KLHL6: variants seen among roughly 807,000 people sequenced by gnomAD.
KLHL6 encodes the protein kelch like family member 6, also known as kelch-like protein 6.
KLHL6 carries 41 observed loss-of-function variants against 58.6 expected under a neutral mutation model. That is an observed-to-expected ratio of 0.70 (90% confidence interval 0.55 to 0.91). The LOEUF is 0.91. Among genes scored for constraint, KLHL6 ranks in the 40% least tolerant of loss-of-function variants. The pLI, the probability that KLHL6 is intolerant of heterozygous loss-of-function variation, is 0.00. For synonymous variants in KLHL6, 338 were observed against 322.7 expected (o/e 1.05, Z -0.51); for missense variants, 714 against 805.6 (o/e 0.89, Z 1.38).
Position 183,524,239 on chromosome 3 carries a change from C to T in KLHL6, c.459+3606G>A, listed in dbSNP as rs962278027. Reference sequence around the variant, plus strand: ...GGCTTGCTTACCTACGACTCAGAAGCCTGAAGGTCCAGTTAAGGAAAGGGA... The same window carrying T: ...GGCTTGCTTACCTACGACTCAGAAGTCTGAAGGTCCAGTTAAGGAAAGGGA... On this transcript the variant is annotated intron_variant, in intron 2 of 6. Coordinates refer to ENST00000341319, the MANE Select transcript of KLHL6 (RefSeq NM_130446.4). Among the ~76,000 whole-genome samples, 5 of 152,226 alleles carry T rather than the reference C, an allele frequency of 3.3e-5. No homozygotes were observed. In the South Asian group the frequency reaches 1.0e-3, roughly 32 times the overall value.
chr3:183,515,030 C>T (rs1030978293), intron 2 of KLHL6, among the ~76,000 whole-genome samples: 24 of 152,188 alleles, frequency 1.6e-4, no homozygotes, highest in African/African-American at 5.8e-4. Context: ...TCCAGAAAGT[C>T]TGTGAACCCC....
chr3:183,494,037 G>C (rs770871508), intron 5 of KLHL6, 42 bp downstream of exon 5: 5 of 1,550,764 alleles, frequency 3.2e-6, no homozygotes, highest in Non-Finnish European at 4.5e-6. Flanking sequence ...AAGCACTGAA[G>C]TAATAATACA....
intron 2 of KLHL6, among the ~76,000 whole-genome samples, chr3:183,510,531 T>G (rs1051570554): frequency 6.6e-6 from 1 of 152,178 alleles, no homozygotes. Flanking sequence ...CAACCTCTAT[T>G]GCAAAATATT....
Position 183,555,369 on chromosome 3 carries a change from G to C in KLHL6, c.285C>G (p.Asn95Lys), listed in dbSNP as rs532831263. 6.2e-7 allele frequency: 1 copy of C among 1,613,900 alleles called. No individual in the cohort carries two copies. The highest frequency in any genetic ancestry group is 1.3e-5 in the African/African-American group (1 of 75,018). Residue 95 changes from asparagine to lysine, a missense_variant, in exon 1 of 7, where the codon AAC (asparagine) becomes AAG (lysine). Asn to Lys is a moderately conservative substitution (Grantham distance 94). Transcript: ENST00000341319. The stretch of plus-strand genomic sequence containing the variant: ...GTCCTAGGCATGCTGACCTGAAATA[G>C]TTGCTGGCTGCGGCAAGCACCACGC... ...CHRVVLAAAS[N>K]YFRAMFCNDL...
chr3:183,540,693 C>A (rs1712523256), intron 1 of KLHL6, among the ~76,000 whole-genome samples: 1 of 152,142 alleles, frequency 6.6e-6, no homozygotes, highest in Non-Finnish European at 1.5e-5. Flanking sequence ...CACACGCCAC[C>A]ACACCCGGCC....
chr3:183,528,292 A>G (rs1376696025), intron 1 of KLHL6, among the ~76,000 whole-genome samples: 2 of 152,072 alleles, frequency 1.3e-5, no homozygotes, highest in Non-Finnish European at 1.5e-5. Context: ...AGTGCAGGAG[A>G]TTCATCTGAG....
At chr3:183,555,126 T>C (rs1713062458) in intron 1 of KLHL6, among the ~76,000 whole-genome samples, 1 of 151,970 alleles carries the variant, frequency 6.6e-6, no homozygotes, top group South Asian at 2.1e-4. Context: ...GATTGCGCCA[T>C]TGCACTCCAG....
chr3:183,541,518 A>T (rs1436048343), intron 1 of KLHL6, among the ~76,000 whole-genome samples: 4 of 152,198 alleles, frequency 2.6e-5, no homozygotes, highest in African/African-American at 9.7e-5. Context: ...CCCATTTCTA[A>T]CTGGTCCTCC....
rs969467385 is a variant in KLHL6, at chr3:183,489,825, A to T, written c.*2102T>A. On this transcript the variant is annotated 3_prime_UTR_variant, in exon 7 of 7. Coordinates refer to ENST00000341319, the MANE Select transcript of KLHL6 (RefSeq NM_130446.4). ...ACAGAAATCTCACCTGTAATTTTTCAAGTTTTTAAAATCTGTTTCAAATAT... is the reference window on the plus strand; with the variant it reads ...ACAGAAATCTCACCTGTAATTTTTCTAGTTTTTAAAATCTGTTTCAAATAT... The T allele has an allele frequency of 6.6e-6, 1 of 152,182 alleles. No homozygotes were observed. Among genetic ancestry groups the T allele is most frequent in the Non-Finnish European group, 1.5e-5 (1 of 68,036 alleles). The allele number at this position is 152,182 out of a possible 1,614,324, so 9.4% of individuals were successfully genotyped here.
intron 1 of KLHL6, among the ~76,000 whole-genome samples, chr3:183,530,127 C>T (rs1233945065): frequency 6.6e-6 from 1 of 152,052 alleles, no homozygotes; most frequent in Non-Finnish European, 1.5e-5. Context: ...TTTGTTATGG[C>T]AACCCAAGCT....
At chr3:183,516,914 T>C (rs1385642440) in intron 2 of KLHL6, among the ~76,000 whole-genome samples, 1 of 152,230 alleles carries the variant, frequency 6.6e-6, no homozygotes, top group Non-Finnish European at 1.5e-5. Flanking sequence ...TTGTAATTTT[T>C]GTTGTTGTTT....
intron 1 of KLHL6, among the ~76,000 whole-genome samples, chr3:183,541,242 G>C (rs534281371): frequency 8.5e-5 from 13 of 152,158 alleles, no homozygotes. Context: ...TGCTCCCTCC[G>C]CCAGCTGCCA....
intron 2 of KLHL6, among the ~76,000 whole-genome samples, chr3:183,514,009 T>C (rs1452018217): frequency 6.6e-6 from 1 of 152,220 alleles, no homozygotes; most frequent in Non-Finnish European, 1.5e-5. Flanking sequence ...CTGAGAATGA[T>C]GGCTTCCAGC....
At chr3:183,532,565 G>T (rs891504130) in intron 1 of KLHL6, among the ~76,000 whole-genome samples, 3 of 152,208 alleles carry the variant, frequency 2.0e-5, no homozygotes, top group African/African-American at 7.2e-5. Context: ...GCCAAGAATG[G>T]CTACTCATAG....
At position 183,499,862 on chromosome 3, in the gene KLHL6, A is replaced by G. The variant is rs1717824983; in HGVS notation, c.910-35T>C. 4 of 1,503,816 alleles carry G rather than the reference A, an allele frequency of 2.7e-6. No homozygotes were observed. Among genetic ancestry groups the G allele is most frequent in the Middle Eastern group, 1.7e-4 (1 of 5,756 alleles). 93.2% of individuals were successfully genotyped at this position (1,503,816 alleles called of 1,614,324 possible). A position where few individuals can be genotyped will look rare whatever the true frequency, so the allele number is the denominator to read the frequency against. ...GATGGGGGTACATGAAGGCAGGGAC[A>G]ACACAAAGTTTCAGAGCTCGGGCTA... is the stretch of plus-strand genomic sequence containing the variant. On this transcript the variant is annotated intron_variant, in intron 3 of 6. Transcript: ENST00000341319. The surrounding 1 kb of genome is among the most constrained non-coding windows in gnomAD (Gnocchi z 4.6).
chr3:183,549,425 C>T (rs1480219457), intron 1 of KLHL6, among the ~76,000 whole-genome samples: 1 of 152,186 alleles, frequency 6.6e-6, no homozygotes, highest in East Asian at 1.9e-4. Context: ...TCTATAATCC[C>T]TTATCTGTAG....
chr3:183,507,003 C>G (rs1180904765), intron 3 of KLHL6, among the ~76,000 whole-genome samples: 2 of 152,118 alleles, frequency 1.3e-5, no homozygotes, highest in East Asian at 3.8e-4. Context: ...AAAAGCACAT[C>G]CACTTTGGGG....
rs762141626 is a variant in KLHL6, at chr3:183,491,987, G to C, written c.1806C>G (p.Val602=). The change falls in exon 7 of 7, where the codon GTC becomes GTG. Residue 602 remains valine, a synonymous_variant. Transcript: ENST00000341319. ...LPRGVSHHGS[V]TIRKSYTHIR... ...TGTGGGTGTACGACTTCCTGATGGT[G>C]ACGCTGCCGTGGTGCGACACGCCCC... The C allele has an allele frequency of 1.3e-6, 2 of 1,578,146 alleles. No homozygotes were observed. The highest frequency in any genetic ancestry group is 2.3e-5 in the South Asian group (2 of 87,736).
chr3:183,527,165 G>A (rs1427497107), intron 2 of KLHL6, among the ~76,000 whole-genome samples: 2 of 150,142 alleles, frequency 1.3e-5, no homozygotes, highest in Non-Finnish European at 3.0e-5. Context: ...AACATAACAA[G>A]ACTAAATGAA....
Sources: allele counts gnomAD v4.1 joint callset (sites outside exome capture counted in the v4.1 genomes callset), GRCh38; gene constraint gnomAD v4.1.1; non-coding constraint Gnocchi (gnomAD v3.1); transcripts MANE v1.5; gene names NCBI Gene and HGNC (gene_info 2026-07-23, HGNC 2026-07-21).